Variants in GRIN2B observed in about 807,000 individuals in gnomAD.
GRIN2B encodes glutamate ionotropic receptor NMDA type subunit 2B.
Under a neutral mutation model 114.5 loss-of-function variants are expected in GRIN2B, and 5 were observed. That is an observed-to-expected ratio of 0.04 (90% CI 0.02 to 0.09). The LOEUF is 0.09. Ranked by LOEUF, GRIN2B falls within the 10% of genes least tolerant of loss-of-function variation. The pLI is 1.00. For missense variants in GRIN2B, 1,108 were observed against 1,943.5 expected (o/e 0.57, Z 8.08); for synonymous variants, 787 against 745.1 (o/e 1.06, Z -0.92).
At chr12:13,746,033 A>T (rs959726335) in intron 4 of GRIN2B, among the ~76,000 whole-genome samples, 78 of 151,910 alleles carry the variant, frequency 5.1e-4, no homozygotes, top group African/African-American at 1.6e-3. Flanking sequence ...GACAAAAAAA[A>T]TTTTTTAAAT....
chr12:13,548,658 G>C lies in GRIN2B; in HGVS notation c.*14125C>G, dbSNP rs1367781601. On this transcript the variant is annotated 3_prime_UTR_variant, in exon 14 of 14. Transcript: ENST00000609686. ...ATGAAGTCACCACGGAGTCAAGGTAGAAATAGCTACTGCCCCTCTCTCTTA... is the reference window on the plus strand; with the variant it reads ...ATGAAGTCACCACGGAGTCAAGGTACAAATAGCTACTGCCCCTCTCTCTTA... 6.6e-6 allele frequency: 1 copy of C among 152,102 alleles called. No homozygotes were observed. Among genetic ancestry groups the C allele is most frequent in the Non-Finnish European group, 1.5e-5 (1 of 68,008 alleles). The allele number at this position is 152,102 out of a possible 1,614,324, so 9.4% of individuals were successfully genotyped here.
intron 5 of GRIN2B, among the ~76,000 whole-genome samples, chr12:13,643,212 T>G (rs989825344): frequency 2.6e-5 from 4 of 152,156 alleles, no homozygotes; most frequent in African/African-American, 7.2e-5. Context: ...AGTCAAATTC[T>G]TAGTACCAGG....
At chr12:13,695,927 T>G (rs1218216239) in intron 4 of GRIN2B, among the ~76,000 whole-genome samples, 2 of 152,104 alleles carry the variant, frequency 1.3e-5, no homozygotes. Context: ...ATGTGACATG[T>G]GAAATGTAGT....
chr12:13,955,388 T>C (rs1272068790), intron 2 of GRIN2B, among the ~76,000 whole-genome samples: 1 of 152,146 alleles, frequency 6.6e-6, no homozygotes, highest in Non-Finnish European at 1.5e-5. Context: ...ATATCAAAGA[T>C]GCTGAAAGAT....
At chr12:13,671,115 C>T (rs1440487362) in intron 5 of GRIN2B, among the ~76,000 whole-genome samples, 1 of 152,060 alleles carries the variant, frequency 6.6e-6, no homozygotes, top group African/African-American at 2.4e-5. Flanking sequence ...AGAGGACTTT[C>T]TTTTTACTGG....
intron 3 of GRIN2B, among the ~76,000 whole-genome samples, chr12:13,799,349 C>T (rs1211836889): frequency 2.0e-5 from 3 of 152,158 alleles, no homozygotes; most frequent in East Asian, 3.9e-4. Flanking sequence ...TTAAACTTTC[C>T]TTGTGGTTCC....
At chr12:13,823,376 T>C (rs1416001086) in intron 3 of GRIN2B, among the ~76,000 whole-genome samples, 1 of 152,108 alleles carries the variant, frequency 6.6e-6, no homozygotes, top group African/African-American at 2.4e-5. Context: ...GGTAGGGGTC[T>C]TGAATATGTT....
rs1357303052 is a variant in GRIN2B, at chr12:13,564,067, G to A, written c.3171C>T (p.Arg1057=). Residue 1057 remains arginine, a synonymous_variant, in exon 14 of 14, where the codon CGC becomes CGT. Transcript: ENST00000609686. The surrounding 1 kb of genome is among the most constrained non-coding windows in gnomAD (Gnocchi z 4.8). ...DRYSGHDDLI[R]SDVSDISTHT... ...GGGTTGAGATGTCAGAGACATCGGA[G>A]CGGATCAAGTCGTCGTGGCCACTGT... is the stretch of plus-strand genomic sequence containing the variant. 6.2e-7 allele frequency: 1 copy of A among 1,614,096 alleles called. No homozygotes were observed. Among genetic ancestry groups the A allele is most frequent in the Non-Finnish European group, 8.5e-7 (1 of 1,180,024 alleles).
chr12:13,869,888 A>G (rs1037728142), intron 2 of GRIN2B, among the ~76,000 whole-genome samples: 1 of 152,216 alleles, frequency 6.6e-6, no homozygotes, highest in African/African-American at 2.4e-5. Context: ...AGGATAATAT[A>G]CCTAACCTAC....
At position 13,980,306 on chromosome 12, in the gene GRIN2B, G is replaced by C. The variant is rs2136882222; in HGVS notation, c.-397C>G. 1 of 152,240 alleles carries C rather than the reference G, an allele frequency of 6.6e-6. No individual in the cohort carries two copies. The highest frequency in any genetic ancestry group is 2.1e-4 in the South Asian group (1 of 4,814). 9.4% of individuals were successfully genotyped at this position (152,240 alleles called of 1,614,324 possible). On this transcript the variant is annotated 5_prime_UTR_variant, in exon 2 of 14. Coordinates refer to ENST00000609686, the MANE Select transcript of GRIN2B (RefSeq NM_000834.5). The stretch of plus-strand genomic sequence containing the variant: ...GGAGGCTCTGTGTGGAGAAGCTGGG[G>C]GCCGGCTCCGTCCCTCGGTGGAGCA...
At chr12:13,873,968 A>T (rs1428728912) in intron 2 of GRIN2B, among the ~76,000 whole-genome samples, 1 of 152,210 alleles carries the variant, frequency 6.6e-6, no homozygotes, top group Non-Finnish European at 1.5e-5. Context: ...GATGGGAGAG[A>T]GGGAAAAGAC....
At chr12:13,568,610 A>G (rs1195255720) in intron 12 of GRIN2B, among the ~76,000 whole-genome samples, 1 of 152,120 alleles carries the variant, frequency 6.6e-6, no homozygotes, top group Non-Finnish European at 1.5e-5. Flanking sequence ...CTTCACCTGG[A>G]TTCTAAAAAT....
chr12:13,601,083 A>G (rs2136455312), intron 10 of GRIN2B, among the ~76,000 whole-genome samples: 2 of 152,350 alleles, frequency 1.3e-5, no homozygotes, highest in Non-Finnish European at 2.9e-5. Context: ...GACAAAGAGG[A>G]GAAGCACTGA....
At chr12:13,945,751 C>G (rs558885664) in intron 2 of GRIN2B, among the ~76,000 whole-genome samples, 1 of 152,278 alleles carries the variant, frequency 6.6e-6, no homozygotes, top group East Asian at 1.9e-4. Flanking sequence ...CAGCTGAAGT[C>G]TGTGAGACAT....
intron 5 of GRIN2B, among the ~76,000 whole-genome samples, chr12:13,661,223 G>C (rs970425720): frequency 1.3e-5 from 2 of 152,174 alleles, no homozygotes; most frequent in East Asian, 3.9e-4. Context: ...AGCCATTCCG[G>C]GTGTTCCTTC....
At chr12:13,633,759 T>C (rs1949638540) in intron 5 of GRIN2B, among the ~76,000 whole-genome samples, 1 of 152,192 alleles carries the variant, frequency 6.6e-6, no homozygotes, top group African/African-American at 2.4e-5. Flanking sequence ...ATGCATATAA[T>C]AGTGAAAAGA....
intron 4 of GRIN2B, among the ~76,000 whole-genome samples, chr12:13,713,159 G>A (rs1027978611): frequency 2.6e-5 from 4 of 151,976 alleles, no homozygotes; most frequent in East Asian, 1.9e-4. Context: ...TTTAAGAAAC[G>A]TTAGGTATTT....
At chr12:13,892,434 C>T (rs1565577553) in intron 2 of GRIN2B, among the ~76,000 whole-genome samples, 1 of 152,162 alleles carries the variant, frequency 6.6e-6, no homozygotes, top group Non-Finnish European at 1.5e-5. Context: ...AATGAAATAT[C>T]ACACAGGCTA....
At chr12:13,816,529 G>A (rs759927638) in intron 3 of GRIN2B, among the ~76,000 whole-genome samples, 4 of 152,140 alleles carry the variant, frequency 2.6e-5, no homozygotes, top group Non-Finnish European at 5.9e-5. Flanking sequence ...TGGAGCCCAT[G>A]CTATAAGAAG....
Sources: gnomAD v4.1 joint callset for allele counts (sites outside exome capture counted in the v4.1 genomes callset) on GRCh38, gnomAD v4.1.1 for gene constraint, Gnocchi (gnomAD v3.1) non-coding constraint, MANE v1.5 for transcripts, NCBI Gene and HGNC (gene_info 2026-07-23, HGNC 2026-07-21) for gene names.